Variants in CELF2 observed in about 807,000 individuals in gnomAD.
The protein encoded by CELF2 is CUG triplet repeat RNA-binding protein 2.
CELF2 carries 8 observed loss-of-function variants against 62.6 expected under a neutral mutation model. That is an observed-to-expected ratio of 0.13 (90% CI 0.07 to 0.23). The LOEUF is 0.23. CELF2 is among the 10% of genes least tolerant of loss of function. The pLI is 1.00. For synonymous variants in CELF2, 258 were observed against 250.0 expected (o/e 1.03, Z -0.30); for missense variants, 333 against 671.0 (o/e 0.50, Z 5.56).
chr10:11,301,840 C>T (rs1307544520), intron 9 of CELF2, among the ~76,000 whole-genome samples: 1 of 152,000 alleles, frequency 6.6e-6, no homozygotes. Flanking sequence ...TCACCCATGT[C>T]GTGAGGAGCC....
intron 1 of CELF2, among the ~76,000 whole-genome samples, chr10:11,040,128 AG>A (rs2139416676): frequency 6.6e-6 from 1 of 152,344 alleles, no homozygotes; most frequent in South Asian, 2.1e-4. Context: ...AAGGTAGGAC[AG>A]GAGGAAGTTC....
At chr10:10,492,629 C>G in the CELF2 span, among the ~76,000 whole-genome samples, 2 of 152,182 alleles carry the variant, frequency 1.3e-5, no homozygotes, top group Non-Finnish European at 2.9e-5. Flanking sequence ...CCCACGTTTA[C>G]AGCAGCATTA....
chr10:10,517,359 G>A, the CELF2 span, among the ~76,000 whole-genome samples: 1 of 152,096 alleles, frequency 6.6e-6, no homozygotes, highest in Non-Finnish European at 1.5e-5. Flanking sequence ...GCTTCCTCAT[G>A]TTCCCCTTCC....
At chr10:10,780,067 G>C in the CELF2 span, among the ~76,000 whole-genome samples, 1 of 152,140 alleles carries the variant, frequency 6.6e-6, no homozygotes, top group Non-Finnish European at 1.5e-5. Flanking sequence ...TTTAAGTTCT[G>C]ATATTTCTGA....
At chr10:10,879,707 T>C (rs2061331611) in intron 1 of CELF2, among the ~76,000 whole-genome samples, 2 of 152,240 alleles carry the variant, frequency 1.3e-5, no homozygotes, top group Non-Finnish European at 2.9e-5. Flanking sequence ...TTATTGTGCC[T>C]TCTACATGAA....
chr10:11,210,199 A>AT (rs1197528830), intron 2 of CELF2, among the ~76,000 whole-genome samples: 2 of 152,208 alleles, frequency 1.3e-5, no homozygotes, highest in Non-Finnish European at 2.9e-5. Context: ...TTGTTGTTTA[A>AT]TAAAAAAAAG....
chr10:10,794,574 T>C (rs1388634582), upstream of CELF2: 1 of 147,938 alleles, frequency 6.8e-6, no homozygotes, highest in Non-Finnish European at 1.5e-5. Context: ...TGTATTTCTT[T>C]CGTAACAAAC....
chr10:10,464,198 G>A, the CELF2 span, among the ~76,000 whole-genome samples: 1 of 152,144 alleles, frequency 6.6e-6, no homozygotes, highest in African/African-American at 2.4e-5. Context: ...TCAATTGTTA[G>A]AATAATTTCT....
intron 2 of CELF2, among the ~76,000 whole-genome samples, chr10:10,920,961 T>C (rs1407541267): frequency 6.6e-6 from 1 of 152,144 alleles, no homozygotes; most frequent in African/African-American, 2.4e-5. Context: ...GTTGTTGTTG[T>C]TGTTATTTTT....
chr10:10,516,714 A>G, the CELF2 span, among the ~76,000 whole-genome samples: 1 of 149,516 alleles, frequency 6.7e-6, no homozygotes, highest in Non-Finnish European at 1.5e-5. Flanking sequence ...AGATGGCAGA[A>G]AATAAATACT....
At chr10:11,096,078 G>A (rs569177274) in intron 1 of CELF2, among the ~76,000 whole-genome samples, 2 of 152,240 alleles carry the variant, frequency 1.3e-5, no homozygotes, top group Admixed American at 1.3e-4. Context: ...AAACAAACAA[G>A]TAGCCTCATG....
At chr10:11,169,989 GT>G (rs2068341725) in intron 2 of CELF2, among the ~76,000 whole-genome samples, 1 of 152,226 alleles carries the variant, frequency 6.6e-6, no homozygotes, top group Non-Finnish European at 1.5e-5. Flanking sequence ...ATGGGATTTG[GT>G]GACTGGGAGG....
the CELF2 span, among the ~76,000 whole-genome samples, chr10:10,679,836 C>G: frequency 6.6e-6 from 1 of 152,088 alleles, no homozygotes; most frequent in Non-Finnish European, 1.5e-5. Context: ...TTACATTATT[C>G]CTTTTTCTCC....
chr10:11,069,776 T>C (rs1174873389), intron 1 of CELF2, among the ~76,000 whole-genome samples: 1 of 152,218 alleles, frequency 6.6e-6, no homozygotes, highest in African/African-American at 2.4e-5. Flanking sequence ...GCCAGGAATA[T>C]GGCTGTCCTT....
intron 2 of CELF2, among the ~76,000 whole-genome samples, chr10:10,963,741 G>A (rs201082): frequency 0.27 from 41,832 of 152,124 alleles, 9,230 homozygotes; most frequent in African/African-American, 0.61. Context: ...AGTCAGAGTT[G>A]GGTCCTTCAT....
the CELF2 span, among the ~76,000 whole-genome samples, chr10:10,582,411 C>T: frequency 5.9e-5 from 9 of 152,080 alleles, no homozygotes; most frequent in Middle Eastern, 3.4e-3. Context: ...GATAGTTTTC[C>T]GAGATTATAT....
the CELF2 span, among the ~76,000 whole-genome samples, chr10:10,507,616 A>G: frequency 6.6e-6 from 1 of 152,238 alleles, no homozygotes; most frequent in Admixed American, 6.5e-5. Flanking sequence ...CCAAATAAGC[A>G]CATCCTCAAA....
At chr10:11,131,399 C>A (rs932358589) in intron 1 of CELF2, among the ~76,000 whole-genome samples, 1 of 152,180 alleles carries the variant, frequency 6.6e-6, no homozygotes, top group Non-Finnish European at 1.5e-5. Flanking sequence ...ATGGTAAGAT[C>A]TGGGATTCAT....
chr10:10,851,462 A>G (rs1318638972), intron 1 of CELF2, among the ~76,000 whole-genome samples: 1 of 152,204 alleles, frequency 6.6e-6, no homozygotes, highest in Non-Finnish European at 1.5e-5. Context: ...GCCGACCTCA[A>G]TATAAAACTT....
Sources: allele counts gnomAD v4.1 joint callset (sites outside exome capture counted in the v4.1 genomes callset), GRCh38; gene constraint gnomAD v4.1.1; transcripts MANE v1.5; gene names NCBI Gene and HGNC (gene_info 2026-07-23, HGNC 2026-07-21).